Variants in FBLN5 observed in about 807,000 individuals in gnomAD.
FBLN5 encodes the protein fibulin-5.
Under a neutral mutation model 61.6 loss-of-function variants are expected in FBLN5, and 24 were observed. That is an observed-to-expected ratio of 0.39 (90% CI 0.28 to 0.55). The LOEUF (loss-of-function observed/expected upper bound fraction) is 0.55. Among genes scored for constraint, FBLN5 ranks in the 20% least tolerant of loss-of-function variants. The pLI is 0.65. For missense variants in FBLN5, 470 were observed against 594.1 expected (o/e 0.79, Z 2.17); for synonymous variants, 213 against 219.8 (o/e 0.97, Z 0.27).
In FBLN5 at chr14:91,869,946, AC is replaced by A. The variant is rs1328534824; in HGVS notation, c.*277del. On this transcript the variant is annotated 3_prime_UTR_variant, in exon 11 of 11. Coordinates refer to ENST00000342058, the MANE Select transcript of FBLN5 (RefSeq NM_006329.4). ...TTTTCTTTGAAAATAGTGGAAATAA[AC>A]TGAAGGCCTTGAAAATTCACCAACA... The A allele has an allele frequency of 6.6e-6, 3 of 454,760 alleles. No individual in the cohort carries two copies. The highest frequency in any genetic ancestry group is 1.2e-5 in the Non-Finnish European group (3 of 244,800). 28.2% of individuals were successfully genotyped at this position (454,760 alleles called of 1,614,324 possible). A position where few individuals can be genotyped will look rare whatever the true frequency, so the allele number is the denominator to read the frequency against.
Position 91,875,933 on chromosome 14 carries a change from G to A in FBLN5, c.1185+1554C>T, listed in dbSNP as rs112299696. Reference sequence around the variant, plus strand: ...GGAATTGACGTGAGATGTAACCCAGGTGCTCACAGGTTTGATCCAACAGCG... The same window carrying A: ...GGAATTGACGTGAGATGTAACCCAGATGCTCACAGGTTTGATCCAACAGCG... On this transcript the variant is annotated intron_variant, in intron 10 of 10. Coordinates refer to ENST00000342058, the MANE Select transcript of FBLN5 (RefSeq NM_006329.4). 4.8e-3 allele frequency among the ~76,000 whole-genome samples: 727 copies of A among 152,302 alleles called. 7 individuals carry two copies. Among genetic ancestry groups the A allele is most frequent in the African/African-American group, 0.016 (652 of 41,556 alleles).
At chr14:91,890,079 C>T (rs544161933) in intron 6 of FBLN5, among the ~76,000 whole-genome samples, 109 of 152,182 alleles carry the variant, frequency 7.2e-4, no homozygotes, top group Non-Finnish European at 1.2e-3. Flanking sequence ...CTTGTTTATC[C>T]GCTTCCTCAA....
chr14:91,920,236 C>G (rs1367419580), intron 4 of FBLN5, among the ~76,000 whole-genome samples: 3 of 152,176 alleles, frequency 2.0e-5, no homozygotes, highest in African/African-American at 7.2e-5. Context: ...CCAGGGTCTC[C>G]TGCCCCATAT....
At chr14:91,907,939 A>C (rs555800161) in intron 4 of FBLN5, among the ~76,000 whole-genome samples, 2 of 152,256 alleles carry the variant, frequency 1.3e-5, no homozygotes, top group South Asian at 4.2e-4. Context: ...CTTCAATCAG[A>C]ACAATTTGAC....
intron 9 of FBLN5, among the ~76,000 whole-genome samples, chr14:91,880,968 GA>G (rs1336891217): frequency 5.9e-5 from 9 of 152,232 alleles, no homozygotes; most frequent in Admixed American, 5.2e-4. Flanking sequence ...CAAACTTTTT[GA>G]CAACCTACAG....
At chr14:91,896,596 T>C (rs538533639) in intron 4 of FBLN5, among the ~76,000 whole-genome samples, 30 of 152,226 alleles carry the variant, frequency 2.0e-4, no homozygotes, top group African/African-American at 5.3e-4. Context: ...ATGGGAAAAC[T>C]GAGTGGAAAG....
chr14:91,890,893 CAACCA>C (rs894317467), intron 6 of FBLN5, among the ~76,000 whole-genome samples: 1 of 152,078 alleles, frequency 6.6e-6, no homozygotes, highest in African/African-American at 2.4e-5. Flanking sequence ...ACAGGACATG[CAACCA>C]AATTTCTGAT....
intron 6 of FBLN5, among the ~76,000 whole-genome samples, chr14:91,888,584 G>A (rs1475088248): frequency 2.0e-5 from 3 of 149,212 alleles, no homozygotes; most frequent in Non-Finnish European, 4.4e-5. Context: ...ACTCCAGCCT[G>A]GTTGACAGAG....
chr14:91,925,565 G>A (rs1015619691), intron 4 of FBLN5, among the ~76,000 whole-genome samples: 15 of 152,202 alleles, frequency 9.9e-5, no homozygotes, highest in African/African-American at 3.6e-4. Context: ...CAAGGAGCTG[G>A]CGCTGGCTGG....
At chr14:91,879,480 A>G (rs1889317688) in intron 9 of FBLN5, among the ~76,000 whole-genome samples, 1 of 152,190 alleles carries the variant, frequency 6.6e-6, no homozygotes. Flanking sequence ...TGAGGGAGTC[A>G]CGGAGCATTG....
intron 7 of FBLN5, among the ~76,000 whole-genome samples, chr14:91,886,654 C>A (rs539448497): frequency 1.3e-5 from 2 of 151,792 alleles, no homozygotes; most frequent in South Asian, 2.1e-4. Context: ...GATTCGAGAA[C>A]TATTTTTTTT....
In FBLN5 at chr14:91,891,316, C is replaced by A; in HGVS notation, c.524G>T (p.Gly175Val). The A allele has an allele frequency of 6.2e-7, 1 of 1,613,132 alleles. No homozygotes were observed. The highest frequency in any genetic ancestry group is 8.5e-7 in the Non-Finnish European group (1 of 1,179,084). The change falls in exon 6 of 11, where the codon GGT becomes GTT. Residue 175 changes from glycine (G) to valine (V), a missense_variant. Gly to Val is a moderately radical substitution (Grantham distance 109). Transcript: ENST00000342058. Reference protein sequence around the residue: ...QCLDIDECRYGYCQQLCANVP... With the variant: ...QCLDIDECRYVYCQQLCANVP... ...ATTCGCACAGAGCTGCTGGCAGTAA[C>A]CATAGCGACATTCATCAATGTCTGG...
In FBLN5 at chr14:91,907,621, G is replaced by A. The variant is rs148101864; in HGVS notation, c.380-12549C>T. ...TGGGCTGGGGGTGGAGGATGAGATG[G>A]GAGCCCATCTATAAAGGCATCGTGT... On this transcript the variant is annotated intron_variant, in intron 4 of 10. Coordinates refer to ENST00000342058, the MANE Select transcript of FBLN5 (RefSeq NM_006329.4). Among the ~76,000 whole-genome samples, 389 of 152,094 alleles carry A rather than the reference G, an allele frequency of 2.6e-3. 3 individuals are homozygous for A. Among genetic ancestry groups the A allele is most frequent in the African/African-American group, 8.4e-3 (347 of 41,486 alleles).
intron 4 of FBLN5, among the ~76,000 whole-genome samples, chr14:91,909,730 T>TC: frequency 6.6e-6 from 1 of 152,164 alleles, no homozygotes; most frequent in Non-Finnish European, 1.5e-5. Flanking sequence ...CATTAGGACC[T>TC]CTCAGCCTCC....
intron 9 of FBLN5, among the ~76,000 whole-genome samples, chr14:91,880,322 C>G (rs1258432977): frequency 6.6e-6 from 1 of 152,186 alleles, no homozygotes; most frequent in East Asian, 1.9e-4. Context: ...CACACTTTAA[C>G]GAGATCACCA....
chr14:91,895,117 A>G (rs1178063690), intron 4 of FBLN5, 45 bp from the exon 5 acceptor site: 1 of 1,611,842 alleles, frequency 6.2e-7, no homozygotes, highest in African/African-American at 1.3e-5. Context: ...ACATCCATCT[A>G]GAGCCCTGGA....
At position 91,947,320 on chromosome 14, in the gene FBLN5, G is replaced by A; in HGVS notation, c.-91C>T. ...AGCTCGGGCACGTCGGCCTCCTCTG[G>A]GCCCTCGGGGCTCGCGGGTGTTTTA... On this transcript the variant is annotated 5_prime_UTR_variant, in exon 1 of 11. Coordinates refer to ENST00000342058, the MANE Select transcript of FBLN5 (RefSeq NM_006329.4). This position sits in a 1 kb window ranked among gnomAD's most constrained non-coding sequence, Gnocchi z 4.3. 1 of 1,449,670 alleles carries A rather than the reference G, an allele frequency of 6.9e-7. No individual in the cohort carries two copies. The highest frequency in any genetic ancestry group is 9.7e-7 in the Non-Finnish European group (1 of 1,032,926). 89.8% of individuals were successfully genotyped at this position (1,449,670 alleles called of 1,614,324 possible).
intron 4 of FBLN5, among the ~76,000 whole-genome samples, chr14:91,928,951 G>A (rs1466326900): frequency 2.6e-5 from 4 of 151,840 alleles, no homozygotes; most frequent in Non-Finnish European, 4.4e-5. Flanking sequence ...CCAGCTACTC[G>A]GGAGGCTGAG....
intron 7 of FBLN5, among the ~76,000 whole-genome samples, chr14:91,883,882 G>A (rs1426022388): frequency 1.3e-5 from 2 of 152,174 alleles, no homozygotes. Context: ...TATGGCGGTT[G>A]ATGCAGATGC....
Sources: allele counts gnomAD v4.1 joint callset (sites outside exome capture counted in the v4.1 genomes callset), GRCh38; gene constraint gnomAD v4.1.1; non-coding constraint Gnocchi (gnomAD v3.1); transcripts MANE v1.5; gene names NCBI Gene and HGNC (gene_info 2026-07-23, HGNC 2026-07-21).